Variants in SLC9A9 observed in about 807,000 individuals in gnomAD.
The protein encoded by SLC9A9 is sodium/hydrogen exchanger 9.
SLC9A9 carries 62 observed loss-of-function variants against 77.8 expected under a neutral mutation model. The observed-to-expected ratio is 0.80, with a 90% CI of 0.65 to 0.98. SLC9A9 has a LOEUF of 0.98. SLC9A9 is among the 50% of genes least tolerant of loss of function. The pLI is 0.00. For missense variants in SLC9A9, 775 were observed against 774.9 expected (o/e 1.00, Z 0.00); for synonymous variants, 320 against 283.5 (o/e 1.13, Z -1.29).
chr3:143,631,926 G>T (rs1487814414), intron 6 of SLC9A9, among the ~76,000 whole-genome samples: 2 of 152,128 alleles, frequency 1.3e-5, no homozygotes, highest in African/African-American at 4.8e-5. Context: ...ATTCCCACAT[G>T]CTGGACCAGA....
chr3:143,533,361 A>G (rs1439912519), intron 9 of SLC9A9, among the ~76,000 whole-genome samples: 5 of 152,220 alleles, frequency 3.3e-5, no homozygotes, highest in Admixed American at 1.3e-4. Context: ...CTGAGGTTCT[A>G]TGAAGACTGA....
chr3:143,344,863 A>G (rs1424934227), intron 14 of SLC9A9, among the ~76,000 whole-genome samples: 1 of 151,834 alleles, frequency 6.6e-6, no homozygotes, highest in East Asian at 1.9e-4. Context: ...GTTGGAGGGA[A>G]AAAAAGTGTT....
At chr3:143,743,241 G>GGATAGATAGATAGATA (rs71140453) in intron 4 of SLC9A9, among the ~76,000 whole-genome samples, 5 of 133,682 alleles carry the variant, frequency 3.7e-5, no homozygotes, top group African/African-American at 8.5e-5. Flanking sequence ...ATGGATGGAT[G>GGATAGATAGATAGATA]GATAGATAGA....
chr3:143,323,815 G>A (rs2108448018), intron 14 of SLC9A9, among the ~76,000 whole-genome samples: 1 of 152,142 alleles, frequency 6.6e-6, no homozygotes, highest in Non-Finnish European at 1.5e-5. Flanking sequence ...GATAAGTTAT[G>A]TTTGCTTTTT....
chr3:143,782,422 T>C (rs1350224341), intron 4 of SLC9A9, among the ~76,000 whole-genome samples: 1 of 152,218 alleles, frequency 6.6e-6, no homozygotes, highest in Non-Finnish European at 1.5e-5. Context: ...GTGCCACTGA[T>C]GCTGTTGGTC....
At chr3:143,762,761 C>A (rs772098066) in intron 4 of SLC9A9, among the ~76,000 whole-genome samples, 2 of 152,174 alleles carry the variant, frequency 1.3e-5, no homozygotes, top group African/African-American at 4.8e-5. Context: ...AAGAGTCCCA[C>A]AATATATGGC....
chr3:143,737,814 C>T (rs75416347), intron 4 of SLC9A9, among the ~76,000 whole-genome samples: 132 of 152,076 alleles, frequency 8.7e-4, no homozygotes, highest in African/African-American at 3.1e-3. Flanking sequence ...AGACAGAATA[C>T]CCAGTCTCAG....
rs144726810 is a variant in SLC9A9 at position 143,480,598 on chromosome 3, A to G, written c.1315+13055T>C. ...CCCATCTGGAGACCTCAGAAGACCT[A>G]CTCCCATAGCTTTGCTCACTAATGC... On this transcript the variant is annotated intron_variant, in intron 11 of 15. Transcript: ENST00000316549. Among the ~76,000 whole-genome samples, 17 of 152,104 alleles carry G rather than the reference A, an allele frequency of 1.1e-4. No homozygotes were observed. In the East Asian group the frequency reaches 3.1e-3, roughly 28 times the overall value.
At chr3:143,309,492 C>G (rs2030939193) in intron 14 of SLC9A9, among the ~76,000 whole-genome samples, 1 of 151,082 alleles carries the variant, frequency 6.6e-6, no homozygotes, top group Non-Finnish European at 1.5e-5. Flanking sequence ...TTTCTCAAAC[C>G]CTGGACACCT....
intron 14 of SLC9A9, among the ~76,000 whole-genome samples, chr3:143,334,252 G>A (rs1460825701): frequency 1.3e-5 from 2 of 152,168 alleles, no homozygotes; most frequent in African/African-American, 2.4e-5. Flanking sequence ...GTCTGGATCC[G>A]CCTATAGGTG....
intron 5 of SLC9A9, among the ~76,000 whole-genome samples, chr3:143,670,623 G>A (rs1416505636): frequency 6.6e-6 from 1 of 152,100 alleles, no homozygotes; most frequent in Non-Finnish European, 1.5e-5. Context: ...TCTTCATCTG[G>A]GCAAAATATT....
At chr3:143,286,583 C>T (rs1353269698) in intron 14 of SLC9A9, among the ~76,000 whole-genome samples, 1 of 152,194 alleles carries the variant, frequency 6.6e-6, no homozygotes, top group Non-Finnish European at 1.5e-5. Context: ...TCCCAACCTG[C>T]CTTTCAGCTG....
chr3:143,651,556 AGTTGCCCAAAAT>A (rs2108747978), intron 6 of SLC9A9, among the ~76,000 whole-genome samples: 1 of 152,370 alleles, frequency 6.6e-6, no homozygotes, highest in South Asian at 2.1e-4. Flanking sequence ...GATATCTGAC[AGTTGCCCAAAAT>A]GTTGGTCTTA....
rs568878216 is a variant in SLC9A9, at chr3:143,457,976, T to G, written c.1469+9061A>C. On this transcript the variant is annotated intron_variant, in intron 12 of 15. Coordinates refer to ENST00000316549, the MANE Select transcript of SLC9A9 (RefSeq NM_173653.4). ...CAGCTGGTTGTTAGAATAGTTCTTC[T>G]GTACCCTTGCAGATTTTCTATCTAC... Among the ~76,000 whole-genome samples the G allele has an allele frequency of 5.9e-5, 9 of 152,322 alleles. No individual in the cohort carries two copies. In the East Asian group the frequency reaches 1.3e-3, roughly 23 times the overall value.
At chr3:143,523,555 TC>T (rs1158617672) in intron 9 of SLC9A9, among the ~76,000 whole-genome samples, 2 of 152,188 alleles carry the variant, frequency 1.3e-5, no homozygotes, top group East Asian at 3.8e-4. Context: ...ACAGCGTGAA[TC>T]CCAGCTCTTC....
At chr3:143,817,164 C>T (rs1298659984) in intron 2 of SLC9A9, among the ~76,000 whole-genome samples, 5 of 137,914 alleles carry the variant, frequency 3.6e-5, no homozygotes, top group South Asian at 2.3e-4. Flanking sequence ...TTTTTTGAGA[C>T]GGAGTCTCGC....
At chr3:143,834,341 ATCTACAC>A (rs982717435) in intron 1 of SLC9A9, among the ~76,000 whole-genome samples, 2 of 152,158 alleles carry the variant, frequency 1.3e-5, no homozygotes, top group African/African-American at 4.8e-5. Context: ...AACATAGATC[ATCTACAC>A]TCTACGTGGC....
At chr3:143,368,277 C>CT (rs1179726358) in intron 13 of SLC9A9, among the ~76,000 whole-genome samples, 2 of 152,104 alleles carry the variant, frequency 1.3e-5, no homozygotes, top group African/African-American at 2.4e-5. Context: ...TATGATGGTA[C>CT]TCTGTTTTGT....
intron 4 of SLC9A9, among the ~76,000 whole-genome samples, chr3:143,758,646 T>C (rs1333758259): frequency 6.6e-6 from 1 of 151,924 alleles, no homozygotes; most frequent in Non-Finnish European, 1.5e-5. Context: ...TAGTTAGAGA[T>C]AGGTAAAGCA....
Sources: gnomAD v4.1 joint callset for allele counts (sites outside exome capture counted in the v4.1 genomes callset) on GRCh38, gnomAD v4.1.1 for gene constraint, MANE v1.5 for transcripts, NCBI Gene and HGNC (gene_info 2026-07-23, HGNC 2026-07-21) for gene names.